The following CROCC variants were observed in gnomAD, a reference collection of about 807,000 sequenced individuals.
CROCC encodes the protein ciliary rootlet coiled-coil, rootletin.
In CROCC, 180 loss-of-function variants were observed where a neutral mutation model predicts 245.2. That is an observed-to-expected ratio of 0.73 (90% CI 0.65 to 0.83). CROCC has a LOEUF of 0.83. CROCC is among the 40% of genes least tolerant of loss of function. The pLI is 0.00. For missense variants in CROCC, 2,688 were observed against 2,779.4 expected, an observed-to-expected ratio of 0.97 and a Z score of 0.74; for synonymous variants, 1,205 against 1,241.6, an observed-to-expected ratio of 0.97 and a Z score of 0.62.
At chr1:16,956,197 G>A in intron 25 of CROCC, 41 bp downstream of exon 25, 2 of 1,487,648 alleles carry the variant, frequency 1.3e-6, no homozygotes, top group Non-Finnish European at 1.8e-6. Flanking sequence ...GGCTTGCTGT[G>A]TGCCCCGGGC....
rs557079536 is a variant in CROCC at position 16,968,211 on chromosome 1, C to T, written c.4869C>T (p.Ile1623=). The part of the protein sequence containing the change: ...ESELRASQEK[I]SKMKANETKL... Reference sequence around the variant, plus strand: ...CCCCATGCCACCTGCAGGAGAAGATCAGCAAGATGAAGGCCAATGAGACAA... The same window carrying T: ...CCCCATGCCACCTGCAGGAGAAGATTAGCAAGATGAAGGCCAATGAGACAA... Residue 1623 remains isoleucine, a synonymous_variant, in exon 31 of 37, where the codon ATC becomes ATT. Transcript: ENST00000375541. 784 of 1,563,276 alleles carry T rather than the reference C, an allele frequency of 5.0e-4. 10 individuals are homozygous for T. In the South Asian group the frequency reaches 8.8e-3, roughly 18 times the overall value.
At chr1:16,916,767 C>T (rs1247792912) in intron 1 of CROCC, among the ~76,000 whole-genome samples, 3 of 152,300 alleles carry the variant, frequency 2.0e-5, no homozygotes, top group Non-Finnish European at 4.4e-5. Flanking sequence ...CCTACCTTGG[C>T]CTCCCAAAGT....
In CROCC at chr1:16,966,485, G is replaced by T. The variant is rs1213080599; in HGVS notation, c.4774G>T (p.Glu1592Ter). The T allele has an allele frequency of 6.5e-7, 1 of 1,534,184 alleles. No homozygotes were observed. The highest frequency in any genetic ancestry group is 1.2e-5 in the South Asian group (1 of 83,782). ...ALQEESVRRSERERRATLDQV... is the reference protein window; with the variant it reads ...ALQEESVRRS ...GCAGGAGGAGAGTGTGCGGCGCAGT[G>T]AGCGGGAGCGCCGGGCCACGCTGGA... is the stretch of plus-strand genomic sequence containing the variant. The change falls in exon 30 of 37, where the codon GAG becomes TAG. Residue 1592 changes from glutamate (E) to a stop codon, truncating the protein, a stop_gained. Transcript: ENST00000375541. LOFTEE classifies it high-confidence loss of function. This position sits in a 1 kb window ranked among gnomAD's most constrained non-coding sequence, Gnocchi z 4.8.
Position 16,971,752 on chromosome 1 carries a change from C to G in CROCC, c.5967+105C>G, listed in dbSNP as rs79368694. 6 of 1,184,262 alleles carry G rather than the reference C, an allele frequency of 5.1e-6. No homozygotes were observed. In the African/African-American group the frequency reaches 6.3e-5, roughly 12 times the overall value. The allele number at this position is 1,184,262 out of a possible 1,614,324, so 73.4% of individuals were successfully genotyped here. ...GTGGGTATAGGCAGTCGATGGCTCC[C>G]GTAACCGAAAAGGGTGGGGTTGGCT... On this transcript the variant is annotated intron_variant, in intron 36 of 36. Coordinates refer to ENST00000375541, the MANE Select transcript of CROCC (RefSeq NM_014675.5).
chr1:16,939,227 C>T (rs1245659864), intron 12 of CROCC, 85 bp downstream of exon 12: 29 of 1,176,390 alleles, frequency 2.5e-5, no homozygotes, highest in Middle Eastern at 2.9e-4. Context: ...GGGGCGGGGG[C>T]AGGTCCGGGG....
At chr1:16,971,207 CTGAGTGTGTG>C (rs1376816673) in intron 35 of CROCC, among the ~76,000 whole-genome samples, 1 of 115,312 alleles carries the variant, frequency 8.7e-6, no homozygotes, top group African/African-American at 3.3e-5. Context: ...TGTATGATGT[CTGAGTGTGTG>C]TGTGTGTGTG....
At chr1:16,947,584 T>A (rs1466406722) in intron 17 of CROCC, among the ~76,000 whole-genome samples, 2 of 152,228 alleles carry the variant, frequency 1.3e-5, no homozygotes, top group Non-Finnish European at 2.9e-5. Flanking sequence ...GAGACCTTAA[T>A]GTTTCAGGGA....
At chr1:16,955,205 G>A in intron 23 of CROCC, 107 bp from the exon 24 acceptor site, 3 of 1,083,000 alleles carry the variant, frequency 2.8e-6, no homozygotes, top group South Asian at 1.4e-5. Context: ...TCTGAGCACT[G>A]CAGAGGGATG....
chr1:16,943,360 AC>A (rs1311657351), intron 13 of CROCC, among the ~76,000 whole-genome samples: 4 of 152,068 alleles, frequency 2.6e-5, no homozygotes, highest in African/African-American at 9.7e-5. Context: ...ACACAGTGAA[AC>A]CCCCATCTCT....
chr1:16,944,732 C>T (rs1374941551), intron 14 of CROCC, among the ~76,000 whole-genome samples: 1 of 152,206 alleles, frequency 6.6e-6, no homozygotes, highest in Non-Finnish European at 1.5e-5. Flanking sequence ...TGTCACTTGC[C>T]CCAGGTCACA....
intron 27 of CROCC, among the ~76,000 whole-genome samples, chr1:16,962,210 G>A (rs1482402277): frequency 2.6e-5 from 4 of 151,748 alleles, no homozygotes; most frequent in Admixed American, 1.3e-4. Context: ...GACTACAGGC[G>A]TGTGCCACCA....
intron 12 of CROCC, among the ~76,000 whole-genome samples, chr1:16,939,543 G>A (rs2075874389): frequency 6.6e-6 from 1 of 152,232 alleles, no homozygotes; most frequent in Admixed American, 6.5e-5. Context: ...GCCAGGGTAG[G>A]GAGGAGTCTG....
At position 16,935,507 on chromosome 1, in the gene CROCC, G is replaced by A. The variant is rs1396724079; in HGVS notation, c.957-1130G>A. 7.2e-5 allele frequency among the ~76,000 whole-genome samples: 11 copies of A among 152,192 alleles called. No homozygotes were observed. The East Asian group carries it at 9.6e-4, about 13-fold the overall frequency. ...CCAATCTCGGCTCTCTGCAAGCTCC[G>A]CCTCCTGGGTTCACGCCATTCTCCT... On this transcript the variant is annotated intron_variant, in intron 8 of 36. Transcript: ENST00000375541.
intron 8 of CROCC, among the ~76,000 whole-genome samples, chr1:16,932,625 G>C (rs1322635283): frequency 8.5e-5 from 13 of 152,192 alleles, no homozygotes; most frequent in Non-Finnish European, 1.5e-5. Context: ...AGCAGCAGGC[G>C]CTCCAAGCAG....
chr1:16,930,347 G>T lies in CROCC; in HGVS notation c.683G>T (p.Arg228Met). Reference sequence around the variant, plus strand: ...ATCCGGCTGGAGGAGGAGCAGCAGAGGTGAGGGCGCAGCAGGGAGGGCCAG... The same window carrying T: ...ATCCGGCTGGAGGAGGAGCAGCAGATGTGAGGGCGCAGCAGGGAGGGCCAG... ...ALIRLEEEQQ[R>M]SASLAQVNAM... Residue 228 changes from arginine to methionine, a missense_variant and splice_region_variant, in exon 6 of 37, where the codon AGG becomes ATG. Arg to Met is a moderately conservative substitution (Grantham distance 91). Around this residue, in one of 9 missense-constraint regions of CROCC, gnomAD observed 972 missense variants for 895.3 expected, o/e 1.09. Coordinates refer to ENST00000375541, the MANE Select transcript of CROCC (RefSeq NM_014675.5). 3 of 1,610,724 alleles carry T rather than the reference G, an allele frequency of 1.9e-6. No homozygotes were observed. The highest frequency in any genetic ancestry group is 1.7e-6 in the Non-Finnish European group (2 of 1,179,428).
chr1:16,961,198 T>C (rs2076327822), intron 27 of CROCC, 68 bp downstream of exon 27: 2 of 1,232,856 alleles, frequency 1.6e-6, no homozygotes, highest in Non-Finnish European at 2.0e-6. Flanking sequence ...CGCCCCCACA[T>C]GGCAGGGTGT....
chr1:16,952,832 A>C (rs1167273672), intron 20 of CROCC, among the ~76,000 whole-genome samples: 1 of 152,178 alleles, frequency 6.6e-6, no homozygotes, highest in Non-Finnish European at 1.5e-5. Context: ...CCCTAAGCTA[A>C]AAATCAGATT....
chr1:16,923,981 C>T (rs1342389290), intron 2 of CROCC, among the ~76,000 whole-genome samples: 9 of 152,248 alleles, frequency 5.9e-5, no homozygotes, highest in African/African-American at 1.9e-4. Flanking sequence ...CCCGCCCCAC[C>T]CATATTACAG....
intron 8 of CROCC, among the ~76,000 whole-genome samples, chr1:16,934,083 G>T (rs1458401526): frequency 6.6e-6 from 1 of 152,258 alleles, no homozygotes; most frequent in Non-Finnish European, 1.5e-5. Flanking sequence ...TCCATAAGTA[G>T]AATGTGTTCT....
Sources: gnomAD v4.1 joint callset for allele counts (sites outside exome capture counted in the v4.1 genomes callset) on GRCh38, gnomAD v4.1.1 for gene constraint, gnomAD v4.1.1 regional missense constraint, Gnocchi (gnomAD v3.1) non-coding constraint, MANE v1.5 for transcripts, NCBI Gene and HGNC (gene_info 2026-07-23, HGNC 2026-07-21) for gene names.